DLG2: variants seen among roughly 807,000 people sequenced by gnomAD.
DLG2 encodes the protein discs large MAGUK scaffold protein 2.
Under a neutral mutation model 132.5 loss-of-function variants are expected in DLG2, and 45 were observed. The ratio of observed to expected loss-of-function variants is 0.34; its 90% CI spans 0.27 to 0.44. DLG2 has a LOEUF of 0.44. Among genes scored for constraint, DLG2 ranks in the 20% least tolerant of loss-of-function variants. DLG2 has a pLI of 1.00. For synonymous variants in DLG2, 424 were observed against 419.6 expected (o/e 1.01, Z -0.13); for missense variants, 1,045 against 1,196.9 (o/e 0.87, Z 1.87).
intron 3 of DLG2, chr11:85,285,977 A>T (rs1041955636): frequency 3.0e-6 from 1 of 336,236 alleles, no homozygotes; most frequent in Non-Finnish European, 5.7e-6. Flanking sequence ...TAAAAAAAAA[A>T]TCATGTAGGA....
intron 6 of DLG2, among the ~76,000 whole-genome samples, chr11:85,002,300 C>A (rs1271932816): frequency 6.6e-6 from 1 of 151,956 alleles, no homozygotes; most frequent in Non-Finnish European, 1.5e-5. Flanking sequence ...CTTGGGATTG[C>A]CTTAAAAAGA....
intron 8 of DLG2, among the ~76,000 whole-genome samples, chr11:84,225,457 C>T (rs181471280): frequency 1.3e-5 from 2 of 152,292 alleles, no homozygotes; most frequent in East Asian, 1.9e-4. Context: ...AGGAAGATCT[C>T]GTGTCACGAT....
chr11:84,415,282 A>C (rs180744353), intron 7 of DLG2, among the ~76,000 whole-genome samples: 346 of 152,292 alleles, frequency 2.3e-3, no homozygotes, highest in African/African-American at 3.9e-3. Flanking sequence ...TTTTCCTAGA[A>C]TCACAGGGTG....
chr11:83,756,480 T>C (rs1334443319), intron 18 of DLG2, among the ~76,000 whole-genome samples: 1 of 151,478 alleles, frequency 6.6e-6, no homozygotes, highest in African/African-American at 2.5e-5. Context: ...AGAAGCGTAG[T>C]AGTTTCAAGT....
At chr11:83,491,457 G>A (rs1475971744) in intron 21 of DLG2, among the ~76,000 whole-genome samples, 1 of 151,946 alleles carries the variant, frequency 6.6e-6, no homozygotes, top group Non-Finnish European at 1.5e-5. Flanking sequence ...TCTGTGAAAT[G>A]GAATCCCAGA....
At chr11:84,689,199 AT>A (rs1349028122) in intron 6 of DLG2, among the ~76,000 whole-genome samples, 1 of 152,142 alleles carries the variant, frequency 6.6e-6, no homozygotes, top group African/African-American at 2.4e-5. Context: ...ACTTCCTAAT[AT>A]GTATAAAATC....
At chr11:83,527,645 C>G (rs2095641169) in intron 21 of DLG2, among the ~76,000 whole-genome samples, 1 of 151,902 alleles carries the variant, frequency 6.6e-6, no homozygotes, top group South Asian at 2.1e-4. Flanking sequence ...CTGTTCTGTC[C>G]CAGCCCAAGG....
intron 15 of DLG2, among the ~76,000 whole-genome samples, chr11:83,895,942 T>C (rs2071527771): frequency 6.6e-6 from 1 of 152,226 alleles, no homozygotes. Context: ...AACACTGTAA[T>C]GCTAGTTATA....
chr11:85,254,033 T>C (rs1435075105), intron 4 of DLG2, among the ~76,000 whole-genome samples: 1 of 152,172 alleles, frequency 6.6e-6, no homozygotes, highest in East Asian at 1.9e-4. Context: ...TGGATGGTTT[T>C]GGAAAAGGCA....
At chr11:84,450,881 A>G (rs1377003695) in intron 7 of DLG2, among the ~76,000 whole-genome samples, 20 of 130,618 alleles carry the variant, frequency 1.5e-4, no homozygotes, top group Admixed American at 1.2e-3. Flanking sequence ...TAAGTGTTCC[A>G]AAAAAAAAAA....
chr11:84,016,558 T>G (rs528438073), intron 11 of DLG2, among the ~76,000 whole-genome samples: 1 of 152,170 alleles, frequency 6.6e-6, no homozygotes, highest in African/African-American at 2.4e-5. Context: ...AGTTTCAATT[T>G]TCTGCCTATG....
chr11:83,483,648 T>TCCAC (rs2093304365), intron 22 of DLG2, among the ~76,000 whole-genome samples: 1 of 152,176 alleles, frequency 6.6e-6, no homozygotes, highest in East Asian at 1.9e-4. Context: ...CTAAATGATA[T>TCCAC]CCACCATTAC....
intron 15 of DLG2, among the ~76,000 whole-genome samples, chr11:83,877,379 T>C (rs72960308): frequency 4.0e-3 from 608 of 152,256 alleles, no homozygotes; most frequent in Non-Finnish European, 7.0e-3. Context: ...GTACCAACAG[T>C]TCTTAGGCAG....
chr11:83,831,739 A>G (rs2054585538), intron 17 of DLG2, among the ~76,000 whole-genome samples: 3 of 152,250 alleles, frequency 2.0e-5, no homozygotes, highest in African/African-American at 7.2e-5. Context: ...AATATCAGCC[A>G]TAAGTACTGG....
intron 6 of DLG2, among the ~76,000 whole-genome samples, chr11:85,081,364 G>A (rs1034566659): frequency 9.9e-5 from 15 of 152,154 alleles, no homozygotes; most frequent in Non-Finnish European, 1.3e-4. Context: ...ATATATGTTG[G>A]GCCTCAAAAA....
At chr11:83,580,624 A>G (rs1393580047) in intron 19 of DLG2, among the ~76,000 whole-genome samples, 1 of 152,242 alleles carries the variant, frequency 6.6e-6, no homozygotes, top group African/African-American at 2.4e-5. Flanking sequence ...CATTAATAGT[A>G]ACACATTACA....
At chr11:84,074,772 C>T (rs2096803630) in intron 10 of DLG2, among the ~76,000 whole-genome samples, 1 of 152,094 alleles carries the variant, frequency 6.6e-6, no homozygotes, top group Non-Finnish European at 1.5e-5. Flanking sequence ...TCGTGATCTG[C>T]CCACCTCGGC....
intron 3 of DLG2, among the ~76,000 whole-genome samples, chr11:85,399,045 C>G (rs949015345): frequency 4.6e-5 from 7 of 152,126 alleles, no homozygotes; most frequent in African/African-American, 4.8e-5. Flanking sequence ...TGTCTCAGCC[C>G]AAAATCTCCT....
chr11:83,577,915 TATATATATTTATAATATATA>T (rs1279306004), intron 19 of DLG2, among the ~76,000 whole-genome samples: 2 of 131,372 alleles, frequency 1.5e-5, no homozygotes, highest in African/African-American at 5.7e-5. Context: ...TATGTATAAT[TATATATATTTATAATATATA>T]ATATATATTT....
Sources: gnomAD v4.1 joint callset for allele counts (sites outside exome capture counted in the v4.1 genomes callset) on GRCh38, gnomAD v4.1.1 for gene constraint, MANE v1.5 for transcripts, NCBI Gene and HGNC (gene_info 2026-07-23, HGNC 2026-07-21) for gene names.